The following CSMD2 variants were observed in gnomAD, a reference collection of about 807,000 sequenced individuals.
CSMD2 encodes the protein CUB and Sushi multiple domains 2.
Under a neutral mutation model 398.5 loss-of-function variants are expected in CSMD2, and 130 were observed. The ratio of observed to expected loss-of-function variants is 0.33; its 90% CI spans 0.28 to 0.38. The LOEUF (loss-of-function observed/expected upper bound fraction) is 0.38. Ranked by LOEUF, CSMD2 falls within the 10% of genes least tolerant of loss-of-function variation. The pLI is 1.00. For missense variants in CSMD2, 3,829 were observed against 4,764.9 expected (o/e 0.80, Z 5.78); for synonymous variants, 1,828 against 1,908.5 (o/e 0.96, Z 1.10).
chr1:34,135,242 T>TCACACACACACACA (rs66898227), intron 1 of CSMD2, among the ~76,000 whole-genome samples: 19 of 135,602 alleles, frequency 1.4e-4, no homozygotes, highest in African/African-American at 3.3e-4. Flanking sequence ...CATGTTGAAA[T>TCACACACACACACA]CACACACACA....
intron 41 of CSMD2, among the ~76,000 whole-genome samples, chr1:33,606,281 G>A (rs142705606): frequency 9.2e-5 from 14 of 152,360 alleles, no homozygotes; most frequent in Non-Finnish European, 1.9e-4. Context: ...GAGACAGAAC[G>A]TTCCTACAGT....
At chr1:33,691,689 A>G (rs896601718) in intron 25 of CSMD2, among the ~76,000 whole-genome samples, 1 of 152,030 alleles carries the variant, frequency 6.6e-6, no homozygotes, top group African/African-American at 2.4e-5. Context: ...GTGTCTCCCC[A>G]TGAGCTCTCT....
At chr1:33,885,755 A>T (rs1641550397) in intron 5 of CSMD2, among the ~76,000 whole-genome samples, 1 of 152,202 alleles carries the variant, frequency 6.6e-6, no homozygotes, top group African/African-American at 2.4e-5. Flanking sequence ...ATGTGTATGG[A>T]GAAAGATACC....
intron 36 of CSMD2, 109 bp from the exon 37 acceptor site, chr1:33,622,380 C>T (rs1208317648): frequency 4.0e-6 from 3 of 751,688 alleles, no homozygotes; most frequent in African/African-American, 3.5e-5. Flanking sequence ...GCTCCCAAGG[C>T]CCCCAGATGT....
chr1:33,734,709 T>C (rs986543183), intron 15 of CSMD2, among the ~76,000 whole-genome samples: 1 of 150,596 alleles, frequency 6.6e-6, no homozygotes, highest in Non-Finnish European at 1.5e-5. Context: ...CGCTTGAACT[T>C]GGGAGGCAGA....
At chr1:33,905,032 T>C (rs1183953963) in intron 5 of CSMD2, among the ~76,000 whole-genome samples, 1 of 152,102 alleles carries the variant, frequency 6.6e-6, no homozygotes, top group Non-Finnish European at 1.5e-5. Context: ...CTTGAACTCC[T>C]GAGCTCAAGC....
chr1:33,523,321 C>T lies in CSMD2; in HGVS notation c.10495G>A (p.Ala3499Thr). The change falls in exon 67 of 71, where the codon GCT (alanine) becomes ACT (threonine). Residue 3499 changes from alanine (A) to threonine (T), a missense_variant. Physicochemically the swap from Ala to Thr is moderately conservative, Grantham distance 58. This residue lies in a region of CSMD2 where 917 missense variants were observed against 1,199.5 expected (regional missense o/e 0.76). Transcript: ENST00000373381. Reference protein sequence around the residue: ...FMNKFKDDHWALDGHVSSESS... With the variant: ...FMNKFKDDHWTLDGHVSSESS... ...GCTGAACTTACATGGCCATCTAAAG[C>T]CCAGTGATCATCTTTGAACTTATTC... The T allele has an allele frequency of 6.4e-7, 1 of 1,554,384 alleles. No individual in the cohort carries two copies. Among genetic ancestry groups the T allele is most frequent in the South Asian group, 1.1e-5 (1 of 89,506 alleles).
intron 51 of CSMD2, among the ~76,000 whole-genome samples, chr1:33,570,183 T>G (rs1364102092): frequency 6.6e-6 from 1 of 151,110 alleles, no homozygotes; most frequent in African/African-American, 2.4e-5. Flanking sequence ...TTTTTTTTTT[T>G]TTGAGACGGA....
chr1:33,859,782 C>A (rs922638011), intron 5 of CSMD2, among the ~76,000 whole-genome samples: 5 of 152,078 alleles, frequency 3.3e-5, no homozygotes, highest in Non-Finnish European at 7.4e-5. Flanking sequence ...TTTTGGAAAG[C>A]TTAGGTGATT....
At position 34,002,593 on chromosome 1, in the gene CSMD2, C is replaced by T. The variant is rs137939294; in HGVS notation, c.517+30001G>A. 5.9e-4 allele frequency among the ~76,000 whole-genome samples: 90 copies of T among 152,338 alleles called. No homozygotes were observed. The Middle Eastern group carries it at 0.01, about 17-fold the overall frequency. On this transcript the variant is annotated intron_variant, in intron 3 of 70. Coordinates refer to ENST00000373381, the MANE Select transcript of CSMD2 (RefSeq NM_001281956.2). The stretch of plus-strand genomic sequence containing the variant: ...TCAATGTTAATATTCAGGGTGGCCA[C>T]AAAGTCTCGTTGCATGCTAATTAGA...
intron 62 of CSMD2, among the ~76,000 whole-genome samples, chr1:33,536,320 T>C (rs977788922): frequency 5.3e-5 from 8 of 152,166 alleles, no homozygotes; most frequent in African/African-American, 1.9e-4. Flanking sequence ...GCCTCCTGGG[T>C]CCACGCCATT....
At chr1:34,107,953 C>A (rs989018999) in intron 1 of CSMD2, among the ~76,000 whole-genome samples, 1 of 152,226 alleles carries the variant, frequency 6.6e-6, no homozygotes. Flanking sequence ...GCTGCTGTTT[C>A]TCTCACCATG....
intron 3 of CSMD2, among the ~76,000 whole-genome samples, chr1:34,016,268 A>G (rs1648097092): frequency 6.6e-6 from 1 of 151,926 alleles, no homozygotes; most frequent in Non-Finnish European, 1.5e-5. Flanking sequence ...TAAGCCCCTC[A>G]TGCATTAGGT....
At position 33,541,273 on chromosome 1, in the gene CSMD2, C is replaced by T; in HGVS notation, c.9314G>A (p.Gly3105Asp). 1 of 1,614,088 alleles carries T rather than the reference C, an allele frequency of 6.2e-7. No homozygotes were observed. The highest frequency in any genetic ancestry group is 8.5e-7 in the Non-Finnish European group (1 of 1,179,992). ...NCGDPGIPAN[G>D]LRLGNDFRYN... Reference sequence around the variant, plus strand: ...CCTGAAGTCATTGCCCAGCCGAAGGCCATTGGCTGGAATCCCAGGGTCACC... The same window carrying T: ...CCTGAAGTCATTGCCCAGCCGAAGGTCATTGGCTGGAATCCCAGGGTCACC... Residue 3105 changes from glycine to aspartate, a missense_variant, in exon 59 of 71, where the codon GGC (glycine) becomes GAC (aspartate). By Grantham distance (94) the Gly-to-Asp change is moderately conservative (BLOSUM62 -1). Coordinates refer to ENST00000373381, the MANE Select transcript of CSMD2 (RefSeq NM_001281956.2).
chr1:33,892,814 G>A (rs1027795804), intron 5 of CSMD2, among the ~76,000 whole-genome samples: 1 of 152,140 alleles, frequency 6.6e-6, no homozygotes, highest in Non-Finnish European at 1.5e-5. Flanking sequence ...ACTTTTTGCT[G>A]TAAGCAAATT....
intron 5 of CSMD2, among the ~76,000 whole-genome samples, chr1:33,879,410 G>C (rs1278619993): frequency 6.6e-6 from 1 of 152,122 alleles, no homozygotes; most frequent in Non-Finnish European, 1.5e-5. Flanking sequence ...TAGCAGTTTT[G>C]TGAAACTGTT....
At chr1:34,154,014 T>C (rs1255391730) in intron 1 of CSMD2, among the ~76,000 whole-genome samples, 1 of 152,168 alleles carries the variant, frequency 6.6e-6, no homozygotes, top group Admixed American at 6.5e-5. Context: ...ACCTAGACTA[T>C]AAACAAAACT....
At chr1:34,153,375 G>GT (rs2148561460) in intron 1 of CSMD2, among the ~76,000 whole-genome samples, 1 of 152,314 alleles carries the variant, frequency 6.6e-6, no homozygotes, top group East Asian at 1.9e-4. Context: ...GCTGTAGCAG[G>GT]TGTCAGAATT....
chr1:33,803,102 G>A (rs1370195609), intron 10 of CSMD2, among the ~76,000 whole-genome samples: 3 of 152,092 alleles, frequency 2.0e-5, no homozygotes, highest in Admixed American at 6.6e-5. Flanking sequence ...TGTCATCGTT[G>A]CCATGATCAG....
Sources: allele counts gnomAD v4.1 joint callset (sites outside exome capture counted in the v4.1 genomes callset), GRCh38; gene constraint gnomAD v4.1.1; regional missense constraint gnomAD v4.1.1; transcripts MANE v1.5; gene names NCBI Gene and HGNC (gene_info 2026-07-23, HGNC 2026-07-21).